The following VAV2 variants were observed in gnomAD, a reference collection of about 807,000 sequenced individuals.
VAV2 encodes vav guanine nucleotide exchange factor 2.
In VAV2, 67 loss-of-function variants were observed where a neutral mutation model predicts 132.5. The observed-to-expected ratio is 0.51, with a 90% CI of 0.42 to 0.62. VAV2 has a LOEUF of 0.62. VAV2 is among the 20% of genes least tolerant of loss of function. The pLI is 0.00. For missense variants in VAV2, 938 were observed against 1,153.6 expected (o/e 0.81, Z 2.71); for synonymous variants, 492 against 443.5 (o/e 1.11, Z -1.37).
At chr9:133,891,783 G>A (rs1838976891) in intron 2 of VAV2, among the ~76,000 whole-genome samples, 1 of 73,598 alleles carries the variant, frequency 1.4e-5, no homozygotes, top group Admixed American at 1.3e-4. Flanking sequence ...AGGGATGGAA[G>A]GAGAGGTATG....
At chr9:133,931,445 A>G (rs1840684269) in intron 2 of VAV2, among the ~76,000 whole-genome samples, 1 of 152,036 alleles carries the variant, frequency 6.6e-6, no homozygotes, top group Non-Finnish European at 1.5e-5. Context: ...GCTGCTCAGG[A>G]GAAACACGTC....
chr9:133,863,477 C>T lies in VAV2; in HGVS notation c.322-2045G>A, dbSNP rs1443196738. Among the ~76,000 whole-genome samples the T allele has an allele frequency of 1.3e-5, 2 of 152,188 alleles. No homozygotes were observed. The highest frequency in any genetic ancestry group is 6.5e-5 in the Admixed American group (1 of 15,280). ...GGAGACAGAGAGGAGGCGTGGCGGG[C>T]GAGCCAGCCAAGGCCAGAACATGGT... On this transcript the variant is annotated intron_variant, in intron 2 of 29. Transcript: ENST00000371850. This position sits in a 1 kb window ranked among gnomAD's most constrained non-coding sequence, Gnocchi z 5.0.
At chr9:133,830,260 T>C (rs187915482) in intron 4 of VAV2, among the ~76,000 whole-genome samples, 2 of 152,308 alleles carry the variant, frequency 1.3e-5, no homozygotes, top group Admixed American at 1.3e-4. Flanking sequence ...AACAGGTGCG[T>C]TCTGCTCCAA....
At chr9:133,939,337 C>T in intron 1 of VAV2, 118 bp from the exon 2 acceptor site, 2 of 906,386 alleles carry the variant, frequency 2.2e-6, no homozygotes, top group Non-Finnish European at 3.6e-6. Context: ...CATCCAAGCT[C>T]ATTCCTGTTT....
intron 4 of VAV2, among the ~76,000 whole-genome samples, chr9:133,827,491 G>A (rs553041754): frequency 0.093 from 19 of 204 alleles, 6 homozygotes; most frequent in Non-Finnish European, 0.12. Context: ...ACCACTGAGT[G>A]GGGGCATCGC....
rs1187196457 is a variant in VAV2, at chr9:133,834,122, C to A, written c.449+150G>T. On this transcript the variant is annotated intron_variant, in intron 4 of 29. Transcript: ENST00000371850. This position sits in a 1 kb window ranked among gnomAD's most constrained non-coding sequence, Gnocchi z 5.9. Reference sequence around the variant, plus strand: ...CTCAGCACGGAAGCCCACACCATGACCCATCATGAGGAGATGCCCCGGTGG... The same window carrying A: ...CTCAGCACGGAAGCCCACACCATGAACCATCATGAGGAGATGCCCCGGTGG... 3.7e-6 allele frequency: 3 copies of A among 816,720 alleles called. No homozygotes were observed. The highest frequency in any genetic ancestry group is 5.8e-6 in the Non-Finnish European group (3 of 517,838). 50.6% of individuals were successfully genotyped at this position (816,720 alleles called of 1,614,324 possible).
chr9:133,971,302 C>T (rs1017007674), intron 1 of VAV2, among the ~76,000 whole-genome samples: 2 of 152,176 alleles, frequency 1.3e-5, no homozygotes, highest in African/African-American at 4.8e-5. Flanking sequence ...TGATCGTCAC[C>T]ATCTGGGTCG....
intron 2 of VAV2, among the ~76,000 whole-genome samples, chr9:133,909,381 G>A (rs1839795860): frequency 6.6e-6 from 1 of 152,206 alleles, no homozygotes; most frequent in South Asian, 2.1e-4. Context: ...AACTGTGGGA[G>A]CAACTAACAA....
intron 3 of VAV2, among the ~76,000 whole-genome samples, chr9:133,853,482 C>T (rs1341935258): frequency 1.3e-5 from 2 of 152,126 alleles, no homozygotes; most frequent in Non-Finnish European, 2.9e-5. Flanking sequence ...CTCTCTGCAC[C>T]ATGAGTCCCA....
In VAV2 at chr9:133,992,057, C is replaced by G. The variant is rs770498737; in HGVS notation, c.204+18G>C. 6.5e-6 allele frequency: 10 copies of G among 1,532,006 alleles called. No homozygotes were observed. In the South Asian group the frequency reaches 9.6e-5, roughly 15 times the overall value. 94.9% of individuals were successfully genotyped at this position (1,532,006 alleles called of 1,614,324 possible). A position where few individuals can be genotyped will look rare whatever the true frequency, so the allele number is the denominator to read the frequency against. ...GAACGCCGCCTCCCCGGGGCCCTCCCGCCCGCCGGGCGCTCACCTGGGACA... is the reference window on the plus strand; with the variant it reads ...GAACGCCGCCTCCCCGGGGCCCTCCGGCCCGCCGGGCGCTCACCTGGGACA... On this transcript the variant is annotated intron_variant, in intron 1 of 29. Transcript: ENST00000371850. The surrounding 1 kb of genome is among the most constrained non-coding windows in gnomAD (Gnocchi z 5.5).
At chr9:133,772,377 C>T (rs1473460122) in intron 25 of VAV2, among the ~76,000 whole-genome samples, 1 of 152,184 alleles carries the variant, frequency 6.6e-6, no homozygotes, top group Non-Finnish European at 1.5e-5. Context: ...TCTCCTCCTC[C>T]CTGTGGAGCA....
intron 4 of VAV2, among the ~76,000 whole-genome samples, chr9:133,813,715 C>T (rs1835446604): frequency 6.6e-6 from 1 of 152,200 alleles, no homozygotes; most frequent in Admixed American, 6.5e-5. Flanking sequence ...CCACTACAGT[C>T]GTGAGTGAGG....
intron 2 of VAV2, among the ~76,000 whole-genome samples, chr9:133,902,570 T>C (rs1288002107): frequency 6.6e-6 from 1 of 152,182 alleles, no homozygotes; most frequent in Non-Finnish European, 1.5e-5. Context: ...TTCCCACATT[T>C]GGTGCAGGGG....
intron 1 of VAV2, among the ~76,000 whole-genome samples, chr9:133,980,220 A>G (rs1842650964): frequency 6.6e-6 from 1 of 151,952 alleles, no homozygotes; most frequent in Non-Finnish European, 1.5e-5. Flanking sequence ...TGGAGGGGGG[A>G]AGTGAATGGC....
At chr9:133,845,580 G>T (rs1836901649) in intron 3 of VAV2, among the ~76,000 whole-genome samples, 1 of 152,332 alleles carries the variant, frequency 6.6e-6, no homozygotes, top group Admixed American at 6.5e-5. Flanking sequence ...GCTGGGAAAT[G>T]AAGGGTCAGC....
At chr9:133,825,585 A>G (rs1369775778) in intron 4 of VAV2, among the ~76,000 whole-genome samples, 1 of 152,168 alleles carries the variant, frequency 6.6e-6, no homozygotes, top group East Asian at 1.9e-4. Flanking sequence ...CGTCCTCCAC[A>G]ACGCGGACCT....
intron 3 of VAV2, among the ~76,000 whole-genome samples, chr9:133,856,442 C>T (rs1393635153): frequency 6.6e-6 from 1 of 151,786 alleles, no homozygotes; most frequent in East Asian, 1.9e-4. Context: ...ACCGGGACCC[C>T]ATGCTGGTAT....
In VAV2 at chr9:133,928,448, A is replaced by G. The variant is rs1840559218; in HGVS notation, c.321+10655T>C. Among the ~76,000 whole-genome samples, 1 of 152,192 alleles carries G rather than the reference A, an allele frequency of 6.6e-6. No individual in the cohort carries two copies. Among genetic ancestry groups the G allele is most frequent in the South Asian group, 2.1e-4 (1 of 4,836 alleles). On this transcript the variant is annotated intron_variant, in intron 2 of 29. Coordinates refer to ENST00000371850, the MANE Select transcript of VAV2 (RefSeq NM_001134398.2). The surrounding 1 kb of genome is among the most constrained non-coding windows in gnomAD (Gnocchi z 5.4). ...AGCGACTGCATTTTAATAAGTAATT[A>G]GTGTGGAGTGGATGCTGCTACAAAG...
chr9:133,916,023 C>T (rs536971071), intron 2 of VAV2, among the ~76,000 whole-genome samples: 1 of 152,214 alleles, frequency 6.6e-6, no homozygotes, highest in East Asian at 1.9e-4. Flanking sequence ...GCACGGAATG[C>T]ACACAAGGCA....
Sources: allele counts gnomAD v4.1 joint callset (sites outside exome capture counted in the v4.1 genomes callset), GRCh38; gene constraint gnomAD v4.1.1; non-coding constraint Gnocchi (gnomAD v3.1); transcripts MANE v1.5; gene names NCBI Gene and HGNC (gene_info 2026-07-23, HGNC 2026-07-21).